OSBPL6: variants seen among roughly 807,000 people sequenced by gnomAD.
OSBPL6 encodes oxysterol binding protein like 6.
OSBPL6 carries 49 observed loss-of-function variants against 125.8 expected under a neutral mutation model. The observed-to-expected ratio is 0.39, with a 90% CI of 0.31 to 0.49. The LOEUF is 0.49. Among genes scored for constraint, OSBPL6 ranks in the 20% least tolerant of loss-of-function variants. The pLI is 0.88. For missense variants in OSBPL6, 986 were observed against 1,135.4 expected, an observed-to-expected ratio of 0.87 and a Z score of 1.89; for synonymous variants, 394 against 391.8, an observed-to-expected ratio of 1.01 and a Z score of -0.07.
chr2:178,327,542 A>C (rs1247437711), intron 4 of OSBPL6, among the ~76,000 whole-genome samples: 14 of 152,208 alleles, frequency 9.2e-5, no homozygotes, highest in Admixed American at 6.5e-4. Context: ...TGTGAGTCAA[A>C]AGCCACAGGC....
At chr2:178,275,876 C>G (rs2092459371) in intron 1 of OSBPL6, among the ~76,000 whole-genome samples, 1 of 152,176 alleles carries the variant, frequency 6.6e-6, no homozygotes, top group African/African-American at 2.4e-5. Flanking sequence ...GCTTAATCCT[C>G]AGGCAATTCA....
intron 20 of OSBPL6, among the ~76,000 whole-genome samples, chr2:178,387,475 A>G: frequency 6.6e-6 from 1 of 152,178 alleles, no homozygotes; most frequent in East Asian, 1.9e-4. Flanking sequence ...TTTTGAGTTC[A>G]TCTTAGATCC....
intron 3 of OSBPL6, chr2:178,320,465 T>G: frequency 6.6e-7 from 1 of 1,510,630 alleles, no homozygotes; most frequent in South Asian, 1.2e-5. Context: ...GGAAATTAAC[T>G]TATAATTTTA....
intron 8 of OSBPL6, among the ~76,000 whole-genome samples, chr2:178,335,808 A>G (rs1245134245): frequency 1.3e-5 from 2 of 152,192 alleles, no homozygotes; most frequent in African/African-American, 2.4e-5. Context: ...ACTTGCCATG[A>G]CTGCCTTTTT....
In OSBPL6 at chr2:178,338,306, T is replaced by C. The variant is rs191963856; in HGVS notation, c.791-685T>C. On this transcript the variant is annotated intron_variant, in intron 9 of 24. Transcript: ENST00000190611. ...TTTTAAAGAGTGATATTTTATTGTATAGATTTTTAAATATTCTCTTGTACT... is the reference window on the plus strand; with the variant it reads ...TTTTAAAGAGTGATATTTTATTGTACAGATTTTTAAATATTCTCTTGTACT... 2.1e-3 allele frequency among the ~76,000 whole-genome samples: 314 copies of C among 152,272 alleles called. 1 individual carries two copies. Among genetic ancestry groups the C allele is most frequent in the Middle Eastern group, 6.8e-3 (2 of 294 alleles).
intron 3 of OSBPL6, among the ~76,000 whole-genome samples, chr2:178,313,712 AC>A (rs1687497363): frequency 6.6e-6 from 1 of 152,244 alleles, no homozygotes; most frequent in South Asian, 2.1e-4. Flanking sequence ...TATTTCAATT[AC>A]ATGAGTATCT....
chr2:178,206,395 T>C (rs1180190790), intron 1 of OSBPL6, among the ~76,000 whole-genome samples: 1 of 152,108 alleles, frequency 6.6e-6, no homozygotes, highest in East Asian at 1.9e-4. Flanking sequence ...CTCTATACAG[T>C]GGACAATGGG....
chr2:178,381,661 T>A (rs991616446), intron 15 of OSBPL6, among the ~76,000 whole-genome samples: 43 of 137,374 alleles, frequency 3.1e-4, no homozygotes, highest in African/African-American at 1.2e-3. Context: ...CTGACTGAGC[T>A]GTATTTCTTA....
intron 7 of OSBPL6, 43 bp downstream of exon 7, chr2:178,332,797 A>G: frequency 1.2e-6 from 2 of 1,611,712 alleles, no homozygotes; most frequent in Non-Finnish European, 1.7e-6. Flanking sequence ...TATCAGGGGA[A>G]ACGATTTGCC....
intron 1 of OSBPL6, among the ~76,000 whole-genome samples, chr2:178,237,834 C>A (rs1317221972): frequency 1.3e-5 from 2 of 152,190 alleles, no homozygotes; most frequent in Non-Finnish European, 2.9e-5. Flanking sequence ...TTCTTGCAAT[C>A]AAGCCATTCC....
intron 3 of OSBPL6, among the ~76,000 whole-genome samples, chr2:178,317,767 C>G (rs543275382): frequency 6.6e-6 from 1 of 150,614 alleles, no homozygotes; most frequent in Non-Finnish European, 1.5e-5. Context: ...AGCAAAATCA[C>G]GTAAGTGATT....
intron 13 of OSBPL6, among the ~76,000 whole-genome samples, chr2:178,367,542 G>A (rs1692954245): frequency 6.6e-6 from 1 of 152,200 alleles, no homozygotes; most frequent in Admixed American, 6.6e-5. Flanking sequence ...TTATGCCAGA[G>A]TCTCACCCAG....
In OSBPL6 at chr2:178,394,293, A is replaced by G; in HGVS notation, c.2574-20A>G. 2 of 1,605,564 alleles carry G rather than the reference A, an allele frequency of 1.2e-6. No individual in the cohort carries two copies. Among genetic ancestry groups the G allele is most frequent in the African/African-American group, 1.3e-5 (1 of 74,226 alleles). ...AGAAAAGAGGATAATATGTTAAAAT[A>G]TCAACTGCTTTCTGCTTAGATTTTT... On this transcript the variant is annotated intron_variant, in intron 23 of 24. Coordinates refer to ENST00000190611, the MANE Select transcript of OSBPL6 (RefSeq NM_032523.4).
chr2:178,377,898 G>C (rs889762025), intron 15 of OSBPL6, among the ~76,000 whole-genome samples: 12 of 152,084 alleles, frequency 7.9e-5, no homozygotes, highest in African/African-American at 2.9e-4. Flanking sequence ...GTGCAATCTT[G>C]CCTCACTGTA....
At chr2:178,297,401 C>T (rs1685854666) in intron 2 of OSBPL6, among the ~76,000 whole-genome samples, 1 of 152,148 alleles carries the variant, frequency 6.6e-6, no homozygotes, top group Admixed American at 6.5e-5. Context: ...AGTTCAAGAG[C>T]AGCTTGGGCA....
rs1397857689 is a variant in OSBPL6 at position 178,379,430 on chromosome 2, GAGAA to G, written c.1534-2985_1534-2982del. On this transcript the variant is annotated intron_variant, in intron 15 of 24. Coordinates refer to ENST00000190611, the MANE Select transcript of OSBPL6 (RefSeq NM_032523.4). ...GGGAAAGAAAGAGAAAGAAAAGAAA[GAGAA>G]AGAAGAGAGAAAAGGAAGGAAGGAG... is the stretch of plus-strand genomic sequence containing the variant. Among the ~76,000 whole-genome samples the G allele has an allele frequency of 2.7e-5, 4 of 148,960 alleles. No homozygotes were observed. The South Asian group carries it at 6.4e-4, about 24-fold the overall frequency.
At chr2:178,382,862 A>G (rs964936706) in intron 16 of OSBPL6, 162 bp from the exon 17 acceptor site, 31 of 1,392,196 alleles carry the variant, frequency 2.2e-5, no homozygotes, top group Non-Finnish European at 2.8e-5. Context: ...TTCTGCATTT[A>G]TTAGCAACCT....
chr2:178,278,136 C>T (rs2092507888), intron 1 of OSBPL6, among the ~76,000 whole-genome samples: 1 of 152,168 alleles, frequency 6.6e-6, no homozygotes, highest in African/African-American at 2.4e-5. Context: ...CCTGCATGCC[C>T]ATTTTCTGCC....
rs560647231 is a variant in OSBPL6, at chr2:178,255,294, C to T, written c.-350-29633C>T. Among the ~76,000 whole-genome samples the T allele has an allele frequency of 4.9e-4, 75 of 152,258 alleles. 1 individual carries two copies. Among genetic ancestry groups the T allele is most frequent in the African/African-American group, 1.5e-3 (61 of 41,544 alleles). ...ACTCCAGCCTGGCCACGCAACAGGG[C>T]GAGACTCCGTCTCAAAAACAAAAAA... is the stretch of plus-strand genomic sequence containing the variant. On this transcript the variant is annotated intron_variant, in intron 1 of 24. Transcript: ENST00000190611.
Sources: allele counts gnomAD v4.1 joint callset (sites outside exome capture counted in the v4.1 genomes callset), GRCh38; gene constraint gnomAD v4.1.1; transcripts MANE v1.5; gene names NCBI Gene and HGNC (gene_info 2026-07-23, HGNC 2026-07-21).